Variants in AMPH observed in about 807,000 individuals in gnomAD.
The protein encoded by AMPH is amphiphysin (Stiff-Mann syndrome with breast cancer 128kD autoantigen).
Under a neutral mutation model 99.1 loss-of-function variants are expected in AMPH, and 49 were observed. That is an observed-to-expected ratio of 0.49 (90% CI 0.39 to 0.63). AMPH has a LOEUF of 0.63. AMPH is among the 20% of genes least tolerant of loss of function. The pLI is 0.00. For missense variants in AMPH, 759 were observed against 863.4 expected (o/e 0.88, Z 1.52); for synonymous variants, 314 against 317.3 (o/e 0.99, Z 0.11).
intron 1 of AMPH, among the ~76,000 whole-genome samples, chr7:38,595,958 AC>A (rs1034770846): frequency 2.0e-5 from 3 of 152,144 alleles, no homozygotes; most frequent in African/African-American, 7.2e-5. Context: ...TATCCAATCG[AC>A]CATTAATAGA....
chr7:38,503,438 G>A (rs565774410), intron 3 of AMPH, among the ~76,000 whole-genome samples: 1 of 146,624 alleles, frequency 6.8e-6, no homozygotes, highest in Non-Finnish European at 1.5e-5. Flanking sequence ...TCCAGCATAA[G>A]GGCACACATA....
chr7:38,589,443 G>A (rs1336019403), intron 1 of AMPH, among the ~76,000 whole-genome samples: 1 of 152,130 alleles, frequency 6.6e-6, no homozygotes, highest in African/African-American at 2.4e-5. Context: ...GGATAAGATT[G>A]CCTGTCTCAT....
intron 17 of AMPH, among the ~76,000 whole-genome samples, chr7:38,395,946 C>T (rs966928526): frequency 1.3e-5 from 2 of 152,274 alleles, no homozygotes; most frequent in African/African-American, 2.4e-5. Context: ...ATATACAGTA[C>T]ATTTTTCTAT....
intron 1 of AMPH, among the ~76,000 whole-genome samples, chr7:38,590,577 C>A (rs1055179802): frequency 6.6e-6 from 1 of 152,226 alleles, no homozygotes; most frequent in African/African-American, 2.4e-5. Context: ...TGTCCCTCCC[C>A]CTGTGCTCTC....
At chr7:38,508,781 C>CA (rs1215421207) in intron 2 of AMPH, among the ~76,000 whole-genome samples, 4 of 152,312 alleles carry the variant, frequency 2.6e-5, no homozygotes, top group African/African-American at 7.2e-5. Context: ...CTCAATTTCT[C>CA]AGAGTTCAGA....
intron 11 of AMPH, among the ~76,000 whole-genome samples, chr7:38,446,503 T>A (rs1263001480): frequency 6.6e-6 from 1 of 152,224 alleles, no homozygotes; most frequent in Non-Finnish European, 1.5e-5. Flanking sequence ...ATGAATTTCG[T>A]AATCCAAAAA....
chr7:38,427,257 G>A (rs1785814472), intron 14 of AMPH, among the ~76,000 whole-genome samples: 2 of 151,974 alleles, frequency 1.3e-5, no homozygotes, highest in South Asian at 2.1e-4. Context: ...TCTCTATAAT[G>A]AGAAGATGAT....
At position 38,573,261 on chromosome 7, in the gene AMPH, T is replaced by C. The variant is rs144195620; in HGVS notation, c.70-38250A>G. Reference sequence around the variant, plus strand: ...TGGTTCAGCCTCAGTCCTCCTTACATGGTTTCTACTTTTTCTTTTTTCTTG... The same window carrying C: ...TGGTTCAGCCTCAGTCCTCCTTACACGGTTTCTACTTTTTCTTTTTTCTTG... On this transcript the variant is annotated intron_variant, in intron 1 of 20. Transcript: ENST00000356264. Among the ~76,000 whole-genome samples the C allele has an allele frequency of 2.9e-3, 438 of 152,334 alleles. 4 individuals carry two copies. The highest frequency in any genetic ancestry group is 9.5e-3 in the African/African-American group (393 of 41,580).
chr7:38,400,709 C>T (rs887936601), intron 17 of AMPH, among the ~76,000 whole-genome samples: 5 of 152,186 alleles, frequency 3.3e-5, no homozygotes, highest in Admixed American at 6.5e-5. Flanking sequence ...TGCATTCATA[C>T]ATTCATTCAC....
At chr7:38,610,428 T>A in intron 1 of AMPH, among the ~76,000 whole-genome samples, 2 of 140,868 alleles carry the variant, frequency 1.4e-5, no homozygotes, top group African/African-American at 2.6e-5. Flanking sequence ...ACTCAGTGAG[T>A]TACAGAAAAC....
At chr7:38,558,430 T>C (rs1305693011) in intron 1 of AMPH, among the ~76,000 whole-genome samples, 2 of 152,206 alleles carry the variant, frequency 1.3e-5, no homozygotes, top group Non-Finnish European at 2.9e-5. Context: ...TCTGGTTTTA[T>C]ACTGCATCTT....
intron 1 of AMPH, among the ~76,000 whole-genome samples, chr7:38,624,397 G>C (rs369560633): frequency 1.3e-5 from 2 of 151,934 alleles, no homozygotes; most frequent in East Asian, 1.9e-4. Context: ...ATTAGTATTA[G>C]TATTAGTATT....
At chr7:38,537,783 G>T (rs1457260599) in intron 1 of AMPH, among the ~76,000 whole-genome samples, 1 of 152,182 alleles carries the variant, frequency 6.6e-6, no homozygotes, top group African/African-American at 2.4e-5. Flanking sequence ...GGTCCTGGAC[G>T]CTTCCAGAGG....
intron 1 of AMPH, among the ~76,000 whole-genome samples, chr7:38,591,662 TC>T (rs1324421394): frequency 6.6e-6 from 1 of 151,970 alleles, no homozygotes; most frequent in Non-Finnish European, 1.5e-5. Flanking sequence ...TCTGCAAAGT[TC>T]CCCCAAACCT....
chr7:38,432,173 GT>G lies in AMPH; in HGVS notation c.1158+15del, dbSNP rs1188035508. On this transcript the variant is annotated intron_variant, in intron 13 of 20. Coordinates refer to ENST00000356264, the MANE Select transcript of AMPH (RefSeq NM_001635.4). ...GGATCAAGATACATGAAAAAACAGA[GT>G]TATTAGTGGCTTACCGTCCATAGGT... 6.2e-7 allele frequency: 1 copy of G among 1,609,376 alleles called. No individual in the cohort carries two copies. The highest frequency in any genetic ancestry group is 1.3e-5 in the African/African-American group (1 of 74,796).
chr7:38,384,622 T>A lies in AMPH; in HGVS notation c.*196A>T. The A allele has an allele frequency of 2.0e-6, 1 of 506,048 alleles. No homozygotes were observed. The highest frequency in any genetic ancestry group is 3.6e-6 in the Non-Finnish European group (1 of 279,146). 31.3% of individuals were successfully genotyped at this position (506,048 alleles called of 1,614,324 possible). On this transcript the variant is annotated 3_prime_UTR_variant, in exon 21 of 21. Coordinates refer to ENST00000356264, the MANE Select transcript of AMPH (RefSeq NM_001635.4). ...CTGTTATTGACAACATGGGAATGAG[T>A]GAGGATTTTTTCCTTAATTTACTTT...
chr7:38,472,847 T>C (rs1404775246), intron 7 of AMPH, among the ~76,000 whole-genome samples: 1 of 152,174 alleles, frequency 6.6e-6, no homozygotes, highest in African/African-American at 2.4e-5. Context: ...TCCAAAATTA[T>C]CCCTCAGATA....
intron 5 of AMPH, 120 bp from the exon 6 acceptor site, chr7:38,477,089 A>C: frequency 1.3e-6 from 1 of 756,332 alleles, no homozygotes; most frequent in Non-Finnish European, 2.2e-6. Context: ...CTGGAGATCA[A>C]GATGGGCTGG....
chr7:38,400,538 T>G (rs1784812566), intron 17 of AMPH, among the ~76,000 whole-genome samples: 1 of 152,248 alleles, frequency 6.6e-6, no homozygotes, highest in African/African-American at 2.4e-5. Context: ...TAGCCTAGGT[T>G]ATCAATCATG....
Sources: gnomAD v4.1 joint callset for allele counts (sites outside exome capture counted in the v4.1 genomes callset) on GRCh38, gnomAD v4.1.1 for gene constraint, MANE v1.5 for transcripts, NCBI Gene and HGNC (gene_info 2026-07-23, HGNC 2026-07-21) for gene names.